TNR: variants seen among roughly 807,000 people sequenced by gnomAD.
TNR encodes tenascin R, also known as tenascin-R.
TNR carries 45 observed loss-of-function variants against 150.4 expected under a neutral mutation model. The ratio of observed to expected loss-of-function variants is 0.30; its 90% CI spans 0.24 to 0.38. The LOEUF (loss-of-function observed/expected upper bound fraction) is 0.38. Among genes scored for constraint, TNR ranks in the 10% least tolerant of loss-of-function variants. The probability of loss-of-function intolerance (pLI) is 1.00; values close to 1 mark genes in which losing one functional copy is unlikely to be tolerated. For missense variants in TNR, 1,544 were observed against 1,759.1 expected (o/e 0.88, Z 2.19); for synonymous variants, 687 against 678.4 (o/e 1.01, Z -0.20).
At chr1:175,374,716 T>G (rs1483527848) in intron 9 of TNR, among the ~76,000 whole-genome samples, 1 of 152,196 alleles carries the variant, frequency 6.6e-6, no homozygotes, top group South Asian at 2.1e-4. Flanking sequence ...ATAGTCCTGG[T>G]GCAGGGAGAG....
intron 2 of TNR, among the ~76,000 whole-genome samples, chr1:175,470,605 G>A (rs1159631496): frequency 6.6e-6 from 1 of 152,180 alleles, no homozygotes; most frequent in Non-Finnish European, 1.5e-5. Flanking sequence ...AGTTAATCAT[G>A]GAGAATGGGG....
chr1:175,537,131 T>G (rs1307711752), intron 1 of TNR, among the ~76,000 whole-genome samples: 1 of 152,226 alleles, frequency 6.6e-6, no homozygotes, highest in Non-Finnish European at 1.5e-5. Flanking sequence ...AAACCTGGAA[T>G]GCCACATTGG....
At chr1:175,536,883 A>C (rs7515055) in intron 1 of TNR, among the ~76,000 whole-genome samples, 1 of 151,950 alleles carries the variant, frequency 6.6e-6, no homozygotes, top group Non-Finnish European at 1.5e-5. Context: ...TGGGCCCCAT[A>C]TTGGGAATGT....
intron 1 of TNR, among the ~76,000 whole-genome samples, chr1:175,689,802 T>C (rs1666307874): frequency 6.6e-6 from 1 of 152,236 alleles, no homozygotes; most frequent in East Asian, 1.9e-4. Flanking sequence ...TCTCTCTCAC[T>C]GTGCTTATTC....
At chr1:175,339,934 C>T (rs181790299) in intron 18 of TNR, among the ~76,000 whole-genome samples, 1 of 152,274 alleles carries the variant, frequency 6.6e-6, no homozygotes, top group African/African-American at 2.4e-5. Flanking sequence ...ATTACAGATA[C>T]TTTTTAAAGG....
intron 9 of TNR, among the ~76,000 whole-genome samples, chr1:175,370,831 T>A (rs115809924): frequency 0.024 from 3,666 of 152,258 alleles, 150 homozygotes; most frequent in African/African-American, 0.082. Context: ...CATCCCAGTT[T>A]CTTATTTATG....
rs1191505029 is a variant in TNR, at chr1:175,320,379, G to T, written c.*2978C>A. ...AGAAAATCACCCTATTAAATAAAAG[G>T]AATCTATAAATCCTTTTATAGAGGG... On this transcript the variant is annotated 3_prime_UTR_variant, in exon 23 of 23. Coordinates refer to ENST00000367674, the MANE Select transcript of TNR (RefSeq NM_003285.3). 6.6e-6 allele frequency: 1 copy of T among 152,092 alleles called. No individual in the cohort carries two copies. Among genetic ancestry groups the T allele is most frequent in the Non-Finnish European group, 1.5e-5 (1 of 68,006 alleles). The allele number at this position is 152,092 out of a possible 1,614,324, so 9.4% of individuals were successfully genotyped here.
intron 18 of TNR, among the ~76,000 whole-genome samples, chr1:175,351,470 T>C (rs1321954982): frequency 6.6e-6 from 1 of 152,228 alleles, no homozygotes; most frequent in Non-Finnish European, 1.5e-5. Flanking sequence ...TTATACCTCT[T>C]TGCCTGTCTT....
At chr1:175,450,880 G>T (rs1455717258) in intron 2 of TNR, among the ~76,000 whole-genome samples, 4 of 152,202 alleles carry the variant, frequency 2.6e-5, no homozygotes, top group Non-Finnish European at 5.9e-5. Context: ...ACATCCCACA[G>T]ATTGTTAACT....
At chr1:175,687,669 C>T (rs1666244432) in intron 1 of TNR, among the ~76,000 whole-genome samples, 1 of 152,096 alleles carries the variant, frequency 6.6e-6, no homozygotes, top group Non-Finnish European at 1.5e-5. Context: ...GCCTTCTTTT[C>T]TTTTCGAAAG....
At position 175,500,561 on chromosome 1, in the gene TNR, T is replaced by C. The variant is rs558332119; in HGVS notation, c.-64+27708A>G. On this transcript the variant is annotated intron_variant, in intron 2 of 22. Coordinates refer to ENST00000367674, the MANE Select transcript of TNR (RefSeq NM_003285.3). ...TGCTGGGTGACCTTGGGGACAAGCATGTGTTTGACTTCTGTGCTTTCTCTA... is the reference window on the plus strand; with the variant it reads ...TGCTGGGTGACCTTGGGGACAAGCACGTGTTTGACTTCTGTGCTTTCTCTA... Among the ~76,000 whole-genome samples, 12 of 152,122 alleles carry C rather than the reference T, an allele frequency of 7.9e-5. No individual in the cohort carries two copies. The East Asian group carries it at 2.1e-3, about 27-fold the overall frequency.
At chr1:175,634,568 G>A (rs1049582294) in intron 1 of TNR, among the ~76,000 whole-genome samples, 2 of 152,224 alleles carry the variant, frequency 1.3e-5, no homozygotes, top group Non-Finnish European at 2.9e-5. Flanking sequence ...GAGTGAAAAT[G>A]TGGGCGTTGT....
intron 1 of TNR, among the ~76,000 whole-genome samples, chr1:175,726,113 T>C (rs773958878): frequency 1.3e-5 from 2 of 152,164 alleles, no homozygotes; most frequent in African/African-American, 2.4e-5. Context: ...ATAGTAAATA[T>C]GATAACAGAA....
intron 20 of TNR, among the ~76,000 whole-genome samples, chr1:175,333,684 T>C (rs1380044596): frequency 6.6e-6 from 1 of 152,158 alleles, no homozygotes; most frequent in Non-Finnish European, 1.5e-5. Flanking sequence ...TATGAGGTGG[T>C]CCCAGCCCTC....
At chr1:175,505,339 C>T (rs1658914577) in intron 2 of TNR, among the ~76,000 whole-genome samples, 1 of 152,242 alleles carries the variant, frequency 6.6e-6, no homozygotes. Flanking sequence ...GACTGACGGG[C>T]TGGCTGAAAG....
At chr1:175,465,519 C>G (rs1454467967) in intron 2 of TNR, among the ~76,000 whole-genome samples, 1 of 152,172 alleles carries the variant, frequency 6.6e-6, no homozygotes, top group Non-Finnish European at 1.5e-5. Flanking sequence ...TGCTTTTCCC[C>G]TGGAGTCAGC....
At chr1:175,405,846 G>A (rs1653931939) in intron 3 of TNR, among the ~76,000 whole-genome samples, 2 of 152,148 alleles carry the variant, frequency 1.3e-5, no homozygotes, top group Admixed American at 1.3e-4. Context: ...AACAGCCTGT[G>A]AAAACCAAAG....
At chr1:175,539,715 T>G (rs1440980854) in intron 1 of TNR, among the ~76,000 whole-genome samples, 1 of 152,198 alleles carries the variant, frequency 6.6e-6, no homozygotes, top group African/African-American at 2.4e-5. Flanking sequence ...AGGCTGTTGC[T>G]CATGCAGTGT....
chr1:175,725,615 TGGG>T (rs916280467), intron 1 of TNR, among the ~76,000 whole-genome samples: 117 of 152,246 alleles, frequency 7.7e-4, no homozygotes, highest in African/African-American at 2.8e-3. Flanking sequence ...GATCACAATT[TGGG>T]GAAAAAAATA....
Sources: allele counts gnomAD v4.1 joint callset (sites outside exome capture counted in the v4.1 genomes callset), GRCh38; gene constraint gnomAD v4.1.1; transcripts MANE v1.5; gene names NCBI Gene and HGNC (gene_info 2026-07-23, HGNC 2026-07-21).